Variants in TIMM8A observed in about 807,000 individuals in gnomAD.
TIMM8A encodes mitochondrial import inner membrane translocase subunit Tim8 A.
TIMM8A carries 2 observed loss-of-function variants against 6.8 expected under a neutral mutation model. The observed-to-expected ratio is 0.30, with a 90% CI of 0.12 to 0.93. The LOEUF is 0.93. Ranked by LOEUF, TIMM8A falls within the 40% of genes least tolerant of loss-of-function variation. The pLI is 0.55. For missense variants in TIMM8A, 34 were observed against 75.2 expected, an observed-to-expected ratio of 0.45 and a Z score of 2.02; for synonymous variants, 26 against 28.5, an observed-to-expected ratio of 0.91 and a Z score of 0.28.
rs1031089512 is a variant in TIMM8A, at chrX:101,347,943, A to G, written c.132+590T>C. 12 of 695,613 alleles carry G rather than the reference A, an allele frequency of 1.7e-5. No homozygotes were observed. The Admixed American group carries it at 4.4e-4, about 25-fold the overall frequency. 57.3% of individuals were successfully genotyped at this position (695,613 alleles called of 1,213,427 possible). A position where few individuals can be genotyped will look rare whatever the true frequency, so the allele number is the denominator to read the frequency against. ...TGCAAATACCTTCCACCCTTTTGCC[A>G]AAGTCCCCTCACAGGGCAGGCTCAA... On this transcript the variant is annotated intron_variant, in intron 1 of 1. Transcript: ENST00000372902.
intron 1 of TIMM8A, chrX:101,346,870 T>A (rs1926082994): frequency 2.6e-6 from 1 of 380,761 alleles, no homozygotes; most frequent in East Asian, 4.2e-5. Flanking sequence ...TACTATGGAA[T>A]AGATACTATT....
chrX:101,347,185 C>G (rs1555976187), intron 1 of TIMM8A: 1 of 112,387 alleles, frequency 8.9e-6, no homozygotes, highest in Non-Finnish European at 1.9e-5. Flanking sequence ...GCTAGAGATT[C>G]TTGAATCCTG....
At position 101,348,551 on chromosome X, in the gene TIMM8A, C is replaced by G. The variant is rs149857257; in HGVS notation, c.114G>C (p.Gln38His). ...TCCTCACCCAACAAAGTTCAGTCAT[C>G]TGGTGCACCAGCTGCTGGAAGCGCT... ...QKQRFQQLVHQMTELCWEKCM... is the reference protein window; with the variant it reads ...QKQRFQQLVHHMTELCWEKCM... Residue 38 changes from glutamine to histidine, a missense_variant, in exon 1 of 2, where the codon CAG (glutamine) becomes CAC (histidine). Transcript: ENST00000372902. 1.7e-6 allele frequency: 2 copies of G among 1,208,147 alleles called. No individual in the cohort carries two copies. Among genetic ancestry groups the G allele is most frequent in the Non-Finnish European group, 2.2e-6 (2 of 894,784 alleles).
chrX:101,346,487 G>A lies in TIMM8A; in HGVS notation c.*12C>T. On this transcript the variant is annotated 3_prime_UTR_variant, in exon 2 of 2. Coordinates refer to ENST00000372902, the MANE Select transcript of TIMM8A (RefSeq NM_004085.4). ...TGAACTACCTTCCTTTTCCAAAGAG[G>A]TAATGCTGAGATCAGTCAGAAAGGC... 1 of 1,210,371 alleles carries A rather than the reference G, an allele frequency of 8.3e-7. No homozygotes were observed. Among genetic ancestry groups the A allele is most frequent in the Non-Finnish European group, 1.1e-6 (1 of 895,414 alleles).
At position 101,346,820 on chromosome X, in the gene TIMM8A, T is replaced by C. The variant is rs1490646628; in HGVS notation, c.133-160A>G. On this transcript the variant is annotated intron_variant, in intron 1 of 1. Transcript: ENST00000372902. ...CACATTTGGCAGCTGACCAAGTATA[T>C]AGCAATGTTCTCTAGCCTTACATTA... is the stretch of plus-strand genomic sequence containing the variant. 4 of 473,316 alleles carry C rather than the reference T, an allele frequency of 8.5e-6. No homozygotes were observed. In the East Asian group the frequency reaches 1.1e-4, roughly 13 times the overall value. The allele number at this position is 473,316 out of a possible 1,213,427, so 39.0% of individuals were successfully genotyped here.
At position 101,345,688 on chromosome X, in the gene TIMM8A, T is replaced by C. The variant is rs1602994733; in HGVS notation, c.*811A>G. 1 of 752,439 alleles carries C rather than the reference T, an allele frequency of 1.3e-6. No homozygotes were observed. The highest frequency in any genetic ancestry group is 2.3e-5 in the African/African-American group (1 of 43,202). 62.0% of individuals were successfully genotyped at this position (752,439 alleles called of 1,213,427 possible). A position where few individuals can be genotyped will look rare whatever the true frequency, so the allele number is the denominator to read the frequency against. On this transcript the variant is annotated 3_prime_UTR_variant, in exon 2 of 2. Transcript: ENST00000372902. ...GAATCTTATATAGCTTTTATTTCAG[T>C]GATCAGAAGAATGCAGTAAATGGAA...
chrX:101,345,979 A>G lies in TIMM8A; in HGVS notation c.*520T>C, dbSNP rs1926058154. ...AATATGGATATTTAAGCAAATCATC[A>G]TATAGGAAAGGGAGATCAAGATAAC... On this transcript the variant is annotated 3_prime_UTR_variant, in exon 2 of 2. Transcript: ENST00000372902. 1.4e-6 allele frequency: 1 copy of G among 729,479 alleles called. No individual in the cohort carries two copies. 60.1% of individuals were successfully genotyped at this position (729,479 alleles called of 1,213,427 possible).
chrX:101,348,425 C>CCGGGGGGGGGGGGGGGGGGCGGGGGGG, intron 1 of TIMM8A, 108 bp downstream of exon 1: 1 of 1,176,908 alleles, frequency 8.5e-7, no homozygotes, highest in African/African-American at 1.8e-5. Context: ...GGGTTGCTGC[C>CCGGGGGGGGGGGGGGGGGGCGGGGGGG]AGGTGCCCGC....
At chrX:101,347,153 T>C in intron 1 of TIMM8A, 1 of 113,440 alleles carries the variant, frequency 8.8e-6, no homozygotes. Context: ...TGACTTGAGA[T>C]TCTATAACCT....
In TIMM8A at chrX:101,345,686, A is replaced by T. The variant is rs1396336725; in HGVS notation, c.*813T>A. 1.3e-6 allele frequency: 1 copy of T among 751,577 alleles called. No homozygotes were observed. The highest frequency in any genetic ancestry group is 1.6e-6 in the Non-Finnish European group (1 of 638,283). The allele number at this position is 751,577 out of a possible 1,213,427, so 61.9% of individuals were successfully genotyped here. On this transcript the variant is annotated 3_prime_UTR_variant, in exon 2 of 2. Coordinates refer to ENST00000372902, the MANE Select transcript of TIMM8A (RefSeq NM_004085.4). ...TTGAATCTTATATAGCTTTTATTTC[A>T]GTGATCAGAAGAATGCAGTAAATGG... is the stretch of plus-strand genomic sequence containing the variant.
In TIMM8A at chrX:101,348,697, C is replaced by T. The variant is rs1307406708; in HGVS notation, c.-33G>A. On this transcript the variant is annotated 5_prime_UTR_variant, in exon 1 of 2. Coordinates refer to ENST00000372902, the MANE Select transcript of TIMM8A (RefSeq NM_004085.4). ...CGACCAAGCTTGCAGAGACGAACTC[C>T]GCACCGACCTTCACGTGTCTCCGCG... 4 of 1,209,289 alleles carry T rather than the reference C, an allele frequency of 3.3e-6. No homozygotes were observed. The highest frequency in any genetic ancestry group is 3.4e-6 in the Non-Finnish European group (3 of 894,670).
rs782386900 is a variant in TIMM8A at position 101,348,358 on chromosome X, A to G, written c.132+175T>C. The G allele has an allele frequency of 3.5e-5, 41 of 1,168,059 alleles. 1 individual carries two copies. Among genetic ancestry groups the G allele is most frequent in the Non-Finnish European group, 2.6e-5 (23 of 874,108 alleles). On this transcript the variant is annotated intron_variant, in intron 1 of 1. Coordinates refer to ENST00000372902, the MANE Select transcript of TIMM8A (RefSeq NM_004085.4). The stretch of plus-strand genomic sequence containing the variant: ...CGAGGTCCGGAATGACAGTCCCCAG[A>G]GAAGCGGAGTCACCCTTCTCCCATC...
Position 101,348,670 on chromosome X carries a change from G to A in TIMM8A, c.-6C>T, listed in dbSNP as rs180806413. On this transcript the variant is annotated 5_prime_UTR_variant, in exon 1 of 2. Coordinates refer to ENST00000372902, the MANE Select transcript of TIMM8A (RefSeq NM_004085.4). ...GAAGAGGAGGAGGAATCCATCCCAG[G>A]GCGACCAAGCTTGCAGAGACGAACT... 0.011 allele frequency: 12,727 copies of A among 1,208,756 alleles called. 53 individuals carry two copies. Among genetic ancestry groups the A allele is most frequent in the Non-Finnish European group, 0.013 (11,721 of 894,838 alleles).
rs782339001 is a variant in TIMM8A at position 101,348,560 on chromosome X, C to T, written c.105G>A (p.Leu35=). ...AACAAAGTTCAGTCATCTGGTGCAC[C>T]AGCTGCTGGAAGCGCTGCTTTTGAG... ...VETQKQRFQQ[L]VHQMTELCWE... is the part of the protein sequence containing the mutation. The change falls in exon 1 of 2, where the codon CTG becomes CTA. Residue 35 remains leucine (L), a synonymous_variant. Transcript: ENST00000372902. The T allele has an allele frequency of 8.3e-7, 1 of 1,211,445 alleles. No homozygotes were observed. Among genetic ancestry groups the T allele is most frequent in the Non-Finnish European group, 1.1e-6 (1 of 895,431 alleles).
chrX:101,348,176 C>T (rs1317380115), intron 1 of TIMM8A: 29 of 1,086,944 alleles, frequency 2.7e-5, no homozygotes, highest in Non-Finnish European at 3.3e-5. Context: ...CACTGACTCT[C>T]TGGGACTCGG....
At chrX:101,347,318 G>GGA (rs1318139679) in intron 1 of TIMM8A, 1 of 107,226 alleles carries the variant, frequency 9.3e-6, no homozygotes. Flanking sequence ...CACCCAGGCT[G>GGA]GAGTGCAGTG....
In TIMM8A at chrX:101,348,740, G is replaced by C; in HGVS notation, c.-76C>G. 2 of 1,181,898 alleles carry C rather than the reference G, an allele frequency of 1.7e-6. No homozygotes were observed. Among genetic ancestry groups the C allele is most frequent in the Non-Finnish European group, 2.3e-6 (2 of 874,977 alleles). ...TCTCCGCGACGGAACCGGAACCACA[G>C]CTAGCTGCCTCTGGGACCGCCCCCG... is the stretch of plus-strand genomic sequence containing the variant. On this transcript the variant is annotated 5_prime_UTR_variant, in exon 1 of 2. Coordinates refer to ENST00000372902, the MANE Select transcript of TIMM8A (RefSeq NM_004085.4).
chrX:101,346,736 G>T, intron 1 of TIMM8A, 76 bp from the exon 2 acceptor site: 2 of 1,058,349 alleles, frequency 1.9e-6, no homozygotes, highest in Non-Finnish European at 2.6e-6. Context: ...GTCCCTTTTT[G>T]TTGCTTAGAG....
rs150392163 is a variant in TIMM8A, at chrX:101,348,483, A to C, written c.132+50T>G. Reference sequence around the variant, plus strand: ...TTGTCGCGAGTCCCGCGGTACAAGGACAGAGGGAAAGTAGGTACAGTGTTC... The same window carrying C: ...TTGTCGCGAGTCCCGCGGTACAAGGCCAGAGGGAAAGTAGGTACAGTGTTC... On this transcript the variant is annotated intron_variant, in intron 1 of 1. Coordinates refer to ENST00000372902, the MANE Select transcript of TIMM8A (RefSeq NM_004085.4). 1,526 of 1,050,717 alleles carry C rather than the reference A, an allele frequency of 1.5e-3. 14 individuals are homozygous for C. In the African/African-American group the frequency reaches 0.027, roughly 19 times the overall value. The allele number at this position is 1,050,717 out of a possible 1,213,427, so 86.6% of individuals were successfully genotyped here.
Sources: gnomAD v4.1 joint callset for allele counts on GRCh38, gnomAD v4.1.1 for gene constraint, MANE v1.5 for transcripts, NCBI Gene and HGNC (gene_info 2026-07-23, HGNC 2026-07-21) for gene names.